The following MAGI2 variants were observed in gnomAD, a reference collection of about 807,000 sequenced individuals.
MAGI2 encodes membrane-associated guanylate kinase, WW and PDZ domain-containing protein 2.
MAGI2 carries 35 observed loss-of-function variants against 133.3 expected under a neutral mutation model. The observed-to-expected ratio is 0.26, with a 90% CI of 0.20 to 0.35. The LOEUF is 0.35. Among genes scored for constraint, MAGI2 ranks in the 10% least tolerant of loss-of-function variants. The pLI, the probability that MAGI2 is intolerant of heterozygous loss-of-function variation, is 1.00. For missense variants in MAGI2, 1,636 were observed against 1,863.4 expected (o/e 0.88, Z 2.25); for synonymous variants, 729 against 710.6 (o/e 1.03, Z -0.41).
intron 3 of MAGI2, among the ~76,000 whole-genome samples, chr7:78,531,153 TAA>T (rs1169617952): frequency 6.6e-6 from 1 of 152,004 alleles, no homozygotes; most frequent in East Asian, 1.9e-4. Flanking sequence ...AACAAACTTA[TAA>T]GTCTATCTTT....
chr7:78,901,125 T>C (rs1797591326), intron 2 of MAGI2: 1 of 152,172 alleles, frequency 6.6e-6, no homozygotes, highest in Non-Finnish European at 1.5e-5. Flanking sequence ...TGTGTTTTCA[T>C]GAAATGTGAA....
At chr7:79,217,965 CA>C (rs1291493126) in intron 1 of MAGI2, among the ~76,000 whole-genome samples, 1 of 151,836 alleles carries the variant, frequency 6.6e-6, no homozygotes, top group African/African-American at 2.4e-5. Flanking sequence ...CTGTGAACAA[CA>C]TGCACGAATA....
intron 1 of MAGI2, among the ~76,000 whole-genome samples, chr7:79,217,816 A>C (rs1254176597): frequency 6.6e-6 from 1 of 152,022 alleles, no homozygotes; most frequent in Non-Finnish European, 1.5e-5. Context: ...GTATAAACAA[A>C]GTAGAATAGT....
intron 2 of MAGI2, among the ~76,000 whole-genome samples, chr7:78,860,659 G>A (rs915272964): frequency 4.6e-5 from 7 of 152,132 alleles, no homozygotes; most frequent in African/African-American, 1.7e-4. Context: ...GCCCCTACTG[G>A]GAGGTGTCTC....
chr7:78,338,698 T>A (rs1054339584), intron 9 of MAGI2, among the ~76,000 whole-genome samples: 2 of 152,220 alleles, frequency 1.3e-5, no homozygotes, highest in African/African-American at 4.8e-5. Context: ...TCATTTTAAA[T>A]TATCTCACAA....
intron 10 of MAGI2, chr7:78,254,909 T>C (rs910361388): frequency 2.0e-5 from 3 of 152,262 alleles, no homozygotes; most frequent in Admixed American, 6.5e-5. Context: ...AGTGAGCAGA[T>C]GTTGGGCTAC....
intron 1 of MAGI2, among the ~76,000 whole-genome samples, chr7:79,237,587 C>T (rs891233485): frequency 6.6e-6 from 1 of 152,184 alleles, no homozygotes; most frequent in African/African-American, 2.4e-5. Context: ...TAATCTCTTT[C>T]TCTCTAGGTA....
chr7:79,063,097 G>A lies in MAGI2; in HGVS notation c.302-55891C>T, dbSNP rs996555130. Among the ~76,000 whole-genome samples the A allele has an allele frequency of 1.9e-3, 284 of 152,066 alleles. 5 individuals carry two copies. The highest frequency in any genetic ancestry group is 1.2e-4 in the Non-Finnish European group (8 of 68,012). ...TAATTTGCAAAAATGGCAATAGGGT[G>A]TACTGAGAAGACTCATTTTGTCCTG... On this transcript the variant is annotated intron_variant, in intron 1 of 21. Transcript: ENST00000354212.
intron 3 of MAGI2, chr7:78,617,928 T>TC (rs1337702748): frequency 3.9e-5 from 6 of 152,150 alleles, no homozygotes; most frequent in Non-Finnish European, 1.5e-5. Context: ...GATTTTACTC[T>TC]CCTTTGTCCC....
intron 1 of MAGI2, among the ~76,000 whole-genome samples, chr7:79,389,473 T>A (rs1844445344): frequency 1.3e-5 from 2 of 152,134 alleles, no homozygotes; most frequent in Non-Finnish European, 2.9e-5. Context: ...GTGCTTGCCT[T>A]TTCTGTCTTT....
At position 79,452,988 on chromosome 7, in the gene MAGI2, C is replaced by A. The variant is rs201773610; in HGVS notation, c.301+32G>T. 5.0e-5 allele frequency: 75 copies of A among 1,514,666 alleles called. No homozygotes were observed. In the Admixed American group the frequency reaches 1.2e-3, roughly 24 times the overall value. The allele number at this position is 1,514,666 out of a possible 1,614,324, so 93.8% of individuals were successfully genotyped here. A position where few individuals can be genotyped will look rare whatever the true frequency, so the allele number is the denominator to read the frequency against. On this transcript the variant is annotated intron_variant, in intron 1 of 21. Transcript: ENST00000354212. ...CTGCGCCCCGAGCGGTCCCACCGCC[C>A]GGCAAAACACTGAGCAAGCCGCTGC...
chr7:78,873,059 G>A (rs955279051), intron 2 of MAGI2, among the ~76,000 whole-genome samples: 2 of 152,006 alleles, frequency 1.3e-5, no homozygotes, highest in African/African-American at 4.8e-5. Flanking sequence ...TACATCAGAG[G>A]CAAATTAGGG....
intron 2 of MAGI2, among the ~76,000 whole-genome samples, chr7:78,909,595 T>G (rs1189292336): frequency 2.1e-5 from 2 of 93,164 alleles, no homozygotes; most frequent in Non-Finnish European, 3.8e-5. Context: ...AGAGTGAGAC[T>G]CCATCTCAAA....
intron 1 of MAGI2, among the ~76,000 whole-genome samples, chr7:79,024,438 C>G (rs565866091): frequency 6.6e-6 from 1 of 152,172 alleles, no homozygotes; most frequent in South Asian, 2.1e-4. Flanking sequence ...GGCTTCAAGA[C>G]AAAGCCACCA....
intron 2 of MAGI2, among the ~76,000 whole-genome samples, chr7:78,933,757 A>T (rs1800310398): frequency 6.6e-6 from 1 of 152,176 alleles, no homozygotes; most frequent in Non-Finnish European, 1.5e-5. Flanking sequence ...AGGAATGTGC[A>T]TTCATAAGAG....
intron 1 of MAGI2, among the ~76,000 whole-genome samples, chr7:79,136,076 A>AGAAAGAAAGAAAGAAG (rs1821495598): frequency 1.1e-5 from 1 of 90,782 alleles, no homozygotes; most frequent in African/African-American, 4.5e-5. Flanking sequence ...AAGGAAAGAA[A>AGAAAGAAAGAAAGAAG]GAAAGAAAGA....
intron 15 of MAGI2, 50 bp downstream of exon 15, chr7:78,167,865 AG>A: frequency 6.5e-7 from 1 of 1,549,896 alleles, no homozygotes; most frequent in East Asian, 2.3e-5. Flanking sequence ...GTCTCACAAA[AG>A]CATCTTACCA....
chr7:79,109,939 C>A (rs897915077), intron 1 of MAGI2, among the ~76,000 whole-genome samples: 8 of 152,172 alleles, frequency 5.3e-5, no homozygotes, highest in Non-Finnish European at 7.3e-5. Flanking sequence ...GGGCCAGTCC[C>A]AAGTCACAAC....
intron 6 of MAGI2, among the ~76,000 whole-genome samples, chr7:78,462,554 T>G (rs538181622): frequency 6.6e-6 from 1 of 152,342 alleles, no homozygotes; most frequent in Non-Finnish European, 1.5e-5. Flanking sequence ...TTGAAATTAC[T>G]GTACATTCTA....
Sources: allele counts gnomAD v4.1 joint callset (sites outside exome capture counted in the v4.1 genomes callset), GRCh38; gene constraint gnomAD v4.1.1; transcripts MANE v1.5; gene names NCBI Gene and HGNC (gene_info 2026-07-23, HGNC 2026-07-21).